The following CDH4 variants were observed in gnomAD, a reference collection of about 807,000 sequenced individuals.
CDH4 encodes the protein cadherin 4.
In CDH4, 33 loss-of-function variants were observed where a neutral mutation model predicts 86.0. The ratio of observed to expected loss-of-function variants is 0.38; its 90% CI spans 0.29 to 0.51. The LOEUF (loss-of-function observed/expected upper bound fraction) is 0.51, where lower values mean the gene tolerates loss of function less well. Among genes scored for constraint, CDH4 ranks in the 20% least tolerant of loss-of-function variants. The pLI, the probability that CDH4 is intolerant of heterozygous loss-of-function variation, is 0.86. For missense variants in CDH4, 1,114 were observed against 1,307.4 expected (o/e 0.85, Z 2.28); for synonymous variants, 555 against 549.4 (o/e 1.01, Z -0.14).
intron 2 of CDH4, among the ~76,000 whole-genome samples, chr20:61,675,936 C>T (rs1171632754): frequency 6.6e-6 from 1 of 152,238 alleles, no homozygotes; most frequent in Non-Finnish European, 1.5e-5. Flanking sequence ...GAGGGTTGCT[C>T]TACCTGGAGG....
At chr20:61,579,372 C>T (rs1338406645) in intron 2 of CDH4, among the ~76,000 whole-genome samples, 1 of 151,070 alleles carries the variant, frequency 6.6e-6, no homozygotes, top group Admixed American at 6.6e-5. Context: ...CTGCAACCTC[C>T]TCCTCCCGGG....
chr20:61,744,902 C>T (rs1390202598), intron 3 of CDH4, among the ~76,000 whole-genome samples: 1 of 152,192 alleles, frequency 6.6e-6, no homozygotes, highest in Non-Finnish European at 1.5e-5. Flanking sequence ...ACTGCGCCAG[C>T]CTTCAGGTGT....
intron 4 of CDH4, among the ~76,000 whole-genome samples, chr20:61,826,985 G>C (rs1347515887): frequency 6.6e-6 from 1 of 150,624 alleles, no homozygotes; most frequent in African/African-American, 2.4e-5. Flanking sequence ...GTGTGTGTGT[G>C]TGTGTGTGTG....
chr20:61,806,403 A>G (rs1193930711), intron 4 of CDH4, among the ~76,000 whole-genome samples: 1 of 152,104 alleles, frequency 6.6e-6, no homozygotes, highest in Non-Finnish European at 1.5e-5. Flanking sequence ...AGGACCGTCC[A>G]CTCGCCTGCA....
intron 7 of CDH4, among the ~76,000 whole-genome samples, chr20:61,875,378 A>G (rs914156802): frequency 6.6e-5 from 10 of 151,780 alleles, no homozygotes; most frequent in Admixed American, 6.6e-5. Context: ...GGGGAAGGCG[A>G]GGTGGCCGCC....
intron 2 of CDH4, chr20:61,719,089 G>C (rs1014001282): frequency 2.1e-6 from 1 of 471,074 alleles, no homozygotes; most frequent in Non-Finnish European, 4.4e-6. Flanking sequence ...GAAAGCAAAT[G>C]ATCAAAATCG....
intron 2 of CDH4, among the ~76,000 whole-genome samples, chr20:61,494,216 G>A (rs532983508): frequency 6.6e-6 from 1 of 152,302 alleles, no homozygotes; most frequent in South Asian, 2.1e-4. Flanking sequence ...CCTCAAACTC[G>A]AGAGAAGTTT....
intron 2 of CDH4, among the ~76,000 whole-genome samples, chr20:61,310,313 G>A (rs1393858516): frequency 2.6e-5 from 4 of 152,192 alleles, no homozygotes; most frequent in Non-Finnish European, 5.9e-5. Flanking sequence ...CCACAAACCA[G>A]GTGGCTTCAA....
chr20:61,773,308 C>A (rs1243094760), intron 4 of CDH4, 126 bp downstream of exon 4: 1 of 921,334 alleles, frequency 1.1e-6, no homozygotes, highest in Non-Finnish European at 1.6e-6. Context: ...TTCACCCTTT[C>A]TGTAATGAGA....
intron 8 of CDH4, among the ~76,000 whole-genome samples, chr20:61,906,743 T>C (rs1027747124): frequency 1.3e-5 from 2 of 150,072 alleles, no homozygotes; most frequent in Non-Finnish European, 3.0e-5. Context: ...CAGTGTGTGC[T>C]GTGGGCCCTG....
At chr20:61,878,347 C>A (rs1024735158) in intron 7 of CDH4, among the ~76,000 whole-genome samples, 3 of 152,196 alleles carry the variant, frequency 2.0e-5, no homozygotes, top group African/African-American at 7.2e-5. Context: ...CTGAGACAGA[C>A]CCAGGCGTGG....
intron 2 of CDH4, among the ~76,000 whole-genome samples, chr20:61,294,502 G>T (rs1325728256): frequency 1.3e-5 from 2 of 152,214 alleles, no homozygotes; most frequent in African/African-American, 4.8e-5. Context: ...TCCACCCTAT[G>T]CCCCTTTAAT....
intron 2 of CDH4, among the ~76,000 whole-genome samples, chr20:61,583,152 GAGGGACAGAGGGCTCTGC>G: frequency 1.8e-5 from 1 of 56,928 alleles, no homozygotes; most frequent in Non-Finnish European, 4.5e-5. Flanking sequence ...GGGCTCTGCG[GAGGGACAGAGGGCTCTGC>G]GGGGGGGACA....
intron 2 of CDH4, among the ~76,000 whole-genome samples, chr20:61,648,831 T>G (rs769760537): frequency 2.6e-5 from 4 of 152,150 alleles, no homozygotes; most frequent in Non-Finnish European, 5.9e-5. Flanking sequence ...ACATGTAAAG[T>G]GCTTAGAACA....
At chr20:61,894,838 T>G in intron 7 of CDH4, 72 bp from the exon 8 acceptor site, 1 of 1,504,772 alleles carries the variant, frequency 6.6e-7, no homozygotes, top group Non-Finnish European at 9.0e-7. Context: ...ACGGATTTCT[T>G]TTGATAAGTG....
intron 2 of CDH4, among the ~76,000 whole-genome samples, chr20:61,414,021 T>G (rs903950022): frequency 1.3e-5 from 2 of 152,216 alleles, no homozygotes; most frequent in African/African-American, 2.4e-5. Context: ...CCTCCCAAGG[T>G]TGTGCCTCTG....
At chr20:61,883,145 C>G (rs1188008748) in intron 7 of CDH4, among the ~76,000 whole-genome samples, 1 of 147,632 alleles carries the variant, frequency 6.8e-6, no homozygotes, top group Non-Finnish European at 1.5e-5. Flanking sequence ...TGGCTGCTCC[C>G]CCCGCCTACA....
chr20:61,688,089 C>T (rs1394846563), intron 2 of CDH4, among the ~76,000 whole-genome samples: 1 of 152,108 alleles, frequency 6.6e-6, no homozygotes. Context: ...CACAGGACCC[C>T]GCCGACAGCC....
At chr20:61,756,851 C>T (rs1407861622) in intron 3 of CDH4, among the ~76,000 whole-genome samples, 2 of 152,160 alleles carry the variant, frequency 1.3e-5, no homozygotes, top group East Asian at 3.8e-4. Context: ...GCTGTTTCTG[C>T]AGAAGGCATA....
Sources: gnomAD v4.1 joint callset for allele counts (sites outside exome capture counted in the v4.1 genomes callset) on GRCh38, gnomAD v4.1.1 for gene constraint, MANE v1.5 for transcripts, NCBI Gene and HGNC (gene_info 2026-07-23, HGNC 2026-07-21) for gene names.